The following ADCY5 variants were observed in gnomAD, a reference collection of about 807,000 sequenced individuals.
ADCY5 encodes the protein adenylate cyclase type 5.
ADCY5 carries 30 observed loss-of-function variants against 119.7 expected under a neutral mutation model. The ratio of observed to expected loss-of-function variants is 0.25; its 90% CI spans 0.19 to 0.34. ADCY5 has a LOEUF of 0.34. Ranked by LOEUF, ADCY5 falls within the 10% of genes least tolerant of loss-of-function variation. The pLI is 1.00. For synonymous variants in ADCY5, 753 were observed against 762.2 expected (o/e 0.99, Z 0.20); for missense variants, 1,324 against 1,775.2 (o/e 0.75, Z 4.57).
intron 1 of ADCY5, among the ~76,000 whole-genome samples, chr3:123,425,292 T>C (rs1464031973): frequency 2.0e-5 from 3 of 152,068 alleles, no homozygotes; most frequent in African/African-American, 7.2e-5. Flanking sequence ...AGACACTCAC[T>C]TGGGGGAAAG....
At chr3:123,383,043 C>A (rs1044510796) in intron 1 of ADCY5, among the ~76,000 whole-genome samples, 44 of 152,122 alleles carry the variant, frequency 2.9e-4, no homozygotes, top group Admixed American at 8.5e-4. Flanking sequence ...CAGCCTCCCC[C>A]ACCCCCACCC....
intron 3 of ADCY5, among the ~76,000 whole-genome samples, chr3:123,347,348 G>A (rs1273182872): frequency 1.3e-5 from 2 of 152,174 alleles, no homozygotes; most frequent in African/African-American, 2.4e-5. Flanking sequence ...TGGTGATAAG[G>A]TGGGCAGAGC....
chr3:123,297,914 ATAGTAC>A (rs1435227837), intron 15 of ADCY5, among the ~76,000 whole-genome samples: 3 of 152,284 alleles, frequency 2.0e-5, no homozygotes, highest in Non-Finnish European at 4.4e-5. Flanking sequence ...TTTTGGCTAT[ATAGTAC>A]TTGTTAAATA....
chr3:123,315,212 G>C (rs2108321482), intron 11 of ADCY5, among the ~76,000 whole-genome samples: 1 of 152,360 alleles, frequency 6.6e-6, no homozygotes, highest in Non-Finnish European at 1.5e-5. Flanking sequence ...GGGGGCGTGA[G>C]AGGCAGGTGA....
At chr3:123,432,966 TG>T (rs1559877257) in intron 1 of ADCY5, among the ~76,000 whole-genome samples, 1 of 152,156 alleles carries the variant, frequency 6.6e-6, no homozygotes, top group Non-Finnish European at 1.5e-5. Flanking sequence ...AACCTGAGAA[TG>T]GGCACTATCT....
At chr3:123,284,918 C>G (rs1240816014) in intron 20 of ADCY5, among the ~76,000 whole-genome samples, 182 bp from the exon 21 acceptor site, 4 of 152,336 alleles carry the variant, frequency 2.6e-5, no homozygotes, top group Non-Finnish European at 5.9e-5. Flanking sequence ...TGGAAGGGAT[C>G]CTAAGAAAAG....
chr3:123,387,102 G>A (rs1030032189), intron 1 of ADCY5, among the ~76,000 whole-genome samples: 29 of 152,234 alleles, frequency 1.9e-4, no homozygotes, highest in African/African-American at 4.6e-4. Flanking sequence ...TCAAGGCTGC[G>A]TCCCTATAAT....
intron 5 of ADCY5, 152 bp from the exon 6 acceptor site, chr3:123,328,954 G>GA: frequency 2.3e-6 from 2 of 855,146 alleles, no homozygotes; most frequent in East Asian, 5.4e-5. Flanking sequence ...CGTTCAGCCT[G>GA]AAGGGCACTG....
chr3:123,331,151 G>T, intron 4 of ADCY5, 135 bp from the exon 5 acceptor site: 1 of 932,004 alleles, frequency 1.1e-6, no homozygotes, highest in Non-Finnish European at 1.6e-6. Context: ...GGCCCACGCC[G>T]GAACTCGGCA....
chr3:123,337,953 C>T lies in ADCY5; in HGVS notation c.1407-5278G>A, dbSNP rs551126401. Among the ~76,000 whole-genome samples the T allele has an allele frequency of 1.5e-3, 224 of 152,330 alleles. 1 individual carries two copies. Among genetic ancestry groups the T allele is most frequent in the African/African-American group, 5.1e-3 (211 of 41,578 alleles). ...GCCTCTTGGAGTCTCAAGCATGTCA[C>T]CTGAGACAGGAGCCCATGAAGTCCA... is the stretch of plus-strand genomic sequence containing the variant. On this transcript the variant is annotated intron_variant, in intron 3 of 20. Coordinates refer to ENST00000462833, the MANE Select transcript of ADCY5 (RefSeq NM_183357.3).
At chr3:123,322,648 C>A (rs779023610) in intron 8 of ADCY5, among the ~76,000 whole-genome samples, 3 of 152,206 alleles carry the variant, frequency 2.0e-5, no homozygotes, top group African/African-American at 7.2e-5. Context: ...CTCCCTCCTG[C>A]AGCACCTGGG....
chr3:123,422,285 AG>A (rs896765307), intron 1 of ADCY5, among the ~76,000 whole-genome samples: 4 of 152,176 alleles, frequency 2.6e-5, no homozygotes, highest in African/African-American at 9.7e-5. Context: ...TGAAAAACTG[AG>A]GGTAGGCACA....
intron 1 of ADCY5, among the ~76,000 whole-genome samples, chr3:123,392,943 T>C (rs1944438821): frequency 6.6e-6 from 1 of 152,196 alleles, no homozygotes; most frequent in Non-Finnish European, 1.5e-5. Flanking sequence ...TGTGGCTTTA[T>C]GATCAGAAGG....
intron 1 of ADCY5, chr3:123,404,276 C>T (rs1944845280): frequency 6.6e-6 from 1 of 152,222 alleles, no homozygotes; most frequent in Non-Finnish European, 1.5e-5. Flanking sequence ...GTGCTGAGAA[C>T]ATAAGACTCA....
In ADCY5 at chr3:123,287,307, C is replaced by T. The variant is rs184669032; in HGVS notation, c.3533-498G>A. ...AGCAACCAAGCTCTGGCCACCACTT[C>T]GGCTCTCCTCTGCCCACTTTCCCAA... On this transcript the variant is annotated intron_variant, in intron 19 of 20. Coordinates refer to ENST00000462833, the MANE Select transcript of ADCY5 (RefSeq NM_183357.3). 5.7e-4 allele frequency among the ~76,000 whole-genome samples: 87 copies of T among 152,304 alleles called. 1 individual carries two copies. Among genetic ancestry groups the T allele is most frequent in the African/African-American group, 2.0e-3 (82 of 41,564 alleles).
At chr3:123,367,711 T>C (rs569365225) in intron 1 of ADCY5, among the ~76,000 whole-genome samples, 2 of 152,234 alleles carry the variant, frequency 1.3e-5, no homozygotes, top group East Asian at 3.9e-4. Flanking sequence ...CTCGGAGTTC[T>C]GGTTCCCACC....
At chr3:123,447,325 A>C in intron 1 of ADCY5, 87 bp downstream of exon 1, 1 of 1,346,174 alleles carries the variant, frequency 7.4e-7, no homozygotes, top group South Asian at 1.6e-5. Context: ...ACCATTCGAA[A>C]GGGTGAGGGT....
intron 7 of ADCY5, among the ~76,000 whole-genome samples, chr3:123,327,198 A>G (rs1461949405): frequency 6.6e-6 from 1 of 152,232 alleles, no homozygotes; most frequent in East Asian, 1.9e-4. Context: ...AATAGGTTCA[A>G]GAAACAAAGA....
chr3:123,331,942 C>T (rs1401110064), intron 4 of ADCY5, among the ~76,000 whole-genome samples: 2 of 152,176 alleles, frequency 1.3e-5, no homozygotes, highest in African/African-American at 2.4e-5. Flanking sequence ...GGAATGTGTC[C>T]ACCCGTCAGT....
Sources: gnomAD v4.1 joint callset for allele counts (sites outside exome capture counted in the v4.1 genomes callset) on GRCh38, gnomAD v4.1.1 for gene constraint, MANE v1.5 for transcripts, NCBI Gene and HGNC (gene_info 2026-07-23, HGNC 2026-07-21) for gene names.